PHACTR1: variants seen among roughly 807,000 people sequenced by gnomAD.
The protein encoded by PHACTR1 is phosphatase and actin regulator 1.
A neutral mutation model predicts 69.2 loss-of-function variants in PHACTR1; 16 were observed. The ratio of observed to expected loss-of-function variants is 0.23; its 90% confidence interval spans 0.16 to 0.35. The LOEUF (loss-of-function observed/expected upper bound fraction) is 0.35, where lower values mean the gene tolerates loss of function less well. Ranked by LOEUF, PHACTR1 falls within the 10% of genes least tolerant of loss-of-function variation. The pLI is 1.00. For synonymous variants in PHACTR1, 312 were observed against 284.5 expected (o/e 1.10, Z -0.97); for missense variants, 510 against 734.7 (o/e 0.69, Z 3.54).
intron 4 of PHACTR1, among the ~76,000 whole-genome samples, chr6:12,844,796 A>G (rs1311830862): frequency 1.3e-5 from 2 of 152,200 alleles, no homozygotes; most frequent in Non-Finnish European, 2.9e-5. Context: ...AGGTACCACT[A>G]AAGAAATGAT....
intron 5 of PHACTR1, among the ~76,000 whole-genome samples, chr6:13,136,682 T>G (rs911356451): frequency 1.3e-5 from 2 of 152,208 alleles, no homozygotes; most frequent in South Asian, 4.1e-4. Flanking sequence ...ATAATGCGAC[T>G]CCTCCTTTCA....
At chr6:13,207,832 A>C (rs2113886951) in intron 8 of PHACTR1, among the ~76,000 whole-genome samples, 1 of 152,008 alleles carries the variant, frequency 6.6e-6, no homozygotes, top group Middle Eastern at 3.4e-3. Flanking sequence ...GGTCCCAGCG[A>C]ATCACCAGAG....
intron 13 of PHACTR1, among the ~76,000 whole-genome samples, chr6:13,285,398 G>A (rs573114882): frequency 6.6e-6 from 1 of 152,270 alleles, no homozygotes; most frequent in South Asian, 2.1e-4. Flanking sequence ...ATCGGCCATA[G>A]ACAGAGCTAT....
At chr6:13,170,722 T>C (rs1255410924) in intron 6 of PHACTR1, among the ~76,000 whole-genome samples, 3 of 152,226 alleles carry the variant, frequency 2.0e-5, no homozygotes, top group African/African-American at 7.2e-5. Context: ...TCTGGCTCCA[T>C]CGTGTTCTGT....
chr6:13,094,014 G>T (rs968951230), intron 5 of PHACTR1, among the ~76,000 whole-genome samples: 1 of 152,080 alleles, frequency 6.6e-6, no homozygotes, highest in African/African-American at 2.4e-5. Flanking sequence ...TGGGGCCTCA[G>T]ATGCGTGCCA....
intron 4 of PHACTR1, among the ~76,000 whole-genome samples, chr6:12,897,176 GTCCCTCT>G (rs1784749239): frequency 1.1e-4 from 17 of 152,278 alleles, no homozygotes; most frequent in Admixed American, 9.2e-4. Flanking sequence ...TGGCTTCTGT[GTCCCTCT>G]GTTGCATAGT....
At chr6:12,808,764 C>T (rs991150677) in intron 4 of PHACTR1, among the ~76,000 whole-genome samples, 1 of 133,116 alleles carries the variant, frequency 7.5e-6, no homozygotes, top group Non-Finnish European at 1.6e-5. Flanking sequence ...TCCTCTTCTT[C>T]TTCTTCTCCT....
At chr6:13,091,531 C>T (rs1347938066) in intron 5 of PHACTR1, among the ~76,000 whole-genome samples, 1 of 152,074 alleles carries the variant, frequency 6.6e-6, no homozygotes, top group Non-Finnish European at 1.5e-5. Flanking sequence ...ATTTTTCTGC[C>T]AAATGGGGGT....
At chr6:13,133,468 AT>A (rs904621015) in intron 5 of PHACTR1, among the ~76,000 whole-genome samples, 9 of 150,646 alleles carry the variant, frequency 6.0e-5, no homozygotes, top group Admixed American at 4.0e-4. Flanking sequence ...TGGTTTTCGT[AT>A]TTTTTTTGGT....
At chr6:13,010,324 C>T (rs370355658) in intron 4 of PHACTR1, among the ~76,000 whole-genome samples, 22 of 152,222 alleles carry the variant, frequency 1.4e-4, no homozygotes, top group African/African-American at 5.3e-4. Context: ...CACAGGGTTT[C>T]ACCATGTTGG....
intron 4 of PHACTR1, among the ~76,000 whole-genome samples, chr6:13,005,307 A>C (rs1798652875): frequency 6.6e-6 from 1 of 151,930 alleles, no homozygotes; most frequent in African/African-American, 2.4e-5. Context: ...GTCTCTATAC[A>C]TACAGTATAT....
chr6:13,271,983 T>A (rs921276956), intron 10 of PHACTR1, among the ~76,000 whole-genome samples: 1 of 152,340 alleles, frequency 6.6e-6, no homozygotes, highest in African/African-American at 2.4e-5. Context: ...CTACAATGAT[T>A]CAGTTTCTCA....
chr6:13,047,980 A>G (rs1805349785), intron 4 of PHACTR1, among the ~76,000 whole-genome samples: 1 of 152,046 alleles, frequency 6.6e-6, no homozygotes, highest in Admixed American at 6.6e-5. Context: ...CATCTGGCCT[A>G]GGTACTTTGG....
At chr6:12,998,753 C>T (rs1797739613) in intron 4 of PHACTR1, among the ~76,000 whole-genome samples, 1 of 151,644 alleles carries the variant, frequency 6.6e-6, no homozygotes, top group East Asian at 1.9e-4. Flanking sequence ...AAGACTGGTA[C>T]TACACATAAA....
At chr6:12,812,611 G>A (rs746180176) in intron 4 of PHACTR1, among the ~76,000 whole-genome samples, 6 of 152,192 alleles carry the variant, frequency 3.9e-5, no homozygotes, top group Non-Finnish European at 8.8e-5. Context: ...CAGAAAGCTC[G>A]TGAACGCCCC....
chr6:13,055,045 A>G (rs543263330), intron 5 of PHACTR1, among the ~76,000 whole-genome samples: 1 of 152,308 alleles, frequency 6.6e-6, no homozygotes, highest in South Asian at 2.1e-4. Flanking sequence ...GAGAATCTTA[A>G]TGCTAATCAC....
chr6:12,961,951 C>T (rs963094103), intron 4 of PHACTR1, among the ~76,000 whole-genome samples: 1 of 152,034 alleles, frequency 6.6e-6, no homozygotes, highest in African/African-American at 2.4e-5. Flanking sequence ...GGTTTTGAGT[C>T]AGGATCTGTC....
intron 4 of PHACTR1, among the ~76,000 whole-genome samples, chr6:12,818,210 G>T (rs190931208): frequency 2.0e-5 from 3 of 152,226 alleles, no homozygotes; most frequent in African/African-American, 7.2e-5. Flanking sequence ...CTAAAACAAT[G>T]TTTATTATTT....
Position 13,064,849 on chromosome 6 carries a change from T to C in PHACTR1, c.415+11320T>C, listed in dbSNP as rs559516695. On this transcript the variant is annotated intron_variant, in intron 5 of 14. Transcript: ENST00000332995. ...CAAAAAGTCAACTTGATTTTTGTGA[T>C]TGTCTATTGTTTTTCAATAACTAAT... is the stretch of plus-strand genomic sequence containing the variant. 1.3e-5 allele frequency among the ~76,000 whole-genome samples: 2 copies of C among 151,658 alleles called. 1 individual carries two copies. Among genetic ancestry groups the C allele is most frequent in the South Asian group, 4.2e-4 (2 of 4,798 alleles).
Sources: gnomAD v4.1 joint callset for allele counts (sites outside exome capture counted in the v4.1 genomes callset) on GRCh38, gnomAD v4.1.1 for gene constraint, MANE v1.5 for transcripts, NCBI Gene and HGNC (gene_info 2026-07-23, HGNC 2026-07-21) for gene names.